Variants in TIMP4 observed in about 807,000 individuals in gnomAD.
TIMP4 encodes TIMP metallopeptidase inhibitor 4.
A neutral mutation model predicts 27.3 loss-of-function variants in TIMP4; 28 were observed. The ratio of observed to expected loss-of-function variants is 1.03; its 90% CI spans 0.76 to 1.41. TIMP4 has a LOEUF of 1.41. TIMP4 is among the 40% of genes most tolerant of loss of function. The pLI is 0.00. For synonymous variants in TIMP4, 138 were observed against 115.5 expected (o/e 1.20, Z -1.25); for missense variants, 307 against 285.5 (o/e 1.08, Z -0.54).
intron 2 of TIMP4, 76 bp downstream of exon 2, chr3:12,157,309 C>G: frequency 7.1e-7 from 1 of 1,414,680 alleles, no homozygotes; most frequent in East Asian, 2.3e-5. Context: ...CTGAAAGCTA[C>G]CAGCCCTCCC....
rs1467248670 is a variant in TIMP4, at chr3:12,153,178, T to TC, written c.*336dup. On this transcript the variant is annotated 3_prime_UTR_variant, in exon 5 of 5. Transcript: ENST00000287814. ...TCATGTGTATGACATTCGCCATTTC[T>TC]CCCCTACCAGATCGATTAAGACAAA... 2.6e-6 allele frequency: 1 copy of TC among 388,948 alleles called. No individual in the cohort carries two copies. Among genetic ancestry groups the TC allele is most frequent in the Admixed American group, 3.6e-5 (1 of 27,974 alleles). 24.1% of individuals were successfully genotyped at this position (388,948 alleles called of 1,614,324 possible). A position where few individuals can be genotyped will look rare whatever the true frequency, so the allele number is the denominator to read the frequency against.
intron 1 of TIMP4, 122 bp downstream of exon 1, chr3:12,158,580 A>G: frequency 1.4e-6 from 2 of 1,447,692 alleles, no homozygotes; most frequent in Non-Finnish European, 1.9e-6. Context: ...CAGCCTCAGC[A>G]AGAGACAACC....
At chr3:12,156,742 G>C in intron 3 of TIMP4, 78 bp downstream of exon 3, 1 of 1,166,696 alleles carries the variant, frequency 8.6e-7, no homozygotes, top group African/African-American at 1.5e-5. Context: ...GCCCAAGGAA[G>C]ACCCTGGCTC....
In TIMP4 at chr3:12,158,853, C is replaced by A. The variant is rs868804622; in HGVS notation, c.-13G>T. ...GGCTCCCAGGCATGACACTGCAGAT[C>A]CGCGACTGAGCCTGTGAGGTCTGGG... On this transcript the variant is annotated 5_prime_UTR_variant, in exon 1 of 5. Transcript: ENST00000287814. 1 of 1,558,866 alleles carries A rather than the reference C, an allele frequency of 6.4e-7. No individual in the cohort carries two copies.
intron 3 of TIMP4, 36 bp downstream of exon 3, chr3:12,156,784 A>G (rs1697469496): frequency 6.5e-7 from 1 of 1,549,984 alleles, no homozygotes; most frequent in Non-Finnish European, 8.9e-7. Context: ...GGCAGAATCT[A>G]TTATATTAAG....
Position 12,158,859 on chromosome 3 carries a change from C to A in TIMP4, c.-19G>T. 1 of 1,549,816 alleles carries A rather than the reference C, an allele frequency of 6.5e-7. No homozygotes were observed. Among genetic ancestry groups the A allele is most frequent in the Non-Finnish European group, 8.7e-7 (1 of 1,152,202 alleles). On this transcript the variant is annotated 5_prime_UTR_variant, in exon 1 of 5. Coordinates refer to ENST00000287814, the MANE Select transcript of TIMP4 (RefSeq NM_003256.4). ...CAGGCATGACACTGCAGATCCGCGA[C>A]TGAGCCTGTGAGGTCTGGGGGACTG...
rs1413581678 is a variant in TIMP4, at chr3:12,156,941, G to A, written c.238-7C>T. 3 of 1,607,482 alleles carry A rather than the reference G, an allele frequency of 1.9e-6. No homozygotes were observed. Among genetic ancestry groups the A allele is most frequent in the Non-Finnish European group, 1.7e-6 (2 of 1,174,464 alleles). On this transcript the variant is annotated splice_region_variant and splice_polypyrimidine_tract_variant and intron_variant, in intron 2 of 4. Transcript: ENST00000287814. ...TCTCAAACCCTTTGAACATCTGACAGGCAATTACAAAAAAAGGCAATATTG... is the reference window on the plus strand; with the variant it reads ...TCTCAAACCCTTTGAACATCTGACAAGCAATTACAAAAAAAGGCAATATTG...
chr3:12,157,017 A>C, intron 2 of TIMP4, 83 bp from the exon 3 acceptor site: 2 of 1,002,326 alleles, frequency 2.0e-6, no homozygotes, highest in Non-Finnish European at 1.5e-6. Flanking sequence ...CTCACTTCTC[A>C]GCCTAAAAAT....
chr3:12,153,509 T>A lies in TIMP4; in HGVS notation c.*6A>T. The A allele has an allele frequency of 6.2e-7, 1 of 1,612,874 alleles. No homozygotes were observed. Among genetic ancestry groups the A allele is most frequent in the South Asian group, 1.1e-5 (1 of 91,026 alleles). On this transcript the variant is annotated 3_prime_UTR_variant, in exon 5 of 5. Coordinates refer to ENST00000287814, the MANE Select transcript of TIMP4 (RefSeq NM_003256.4). ...CTTGAAGGGATGTGATGGTCACTGG[T>A]CCCTACTAGGGCTGAACGATGTCAA... is the stretch of plus-strand genomic sequence containing the variant.
Position 12,154,333 on chromosome 3 carries a change from G to T in TIMP4, c.471C>A (p.Gly157=). 3 of 1,614,222 alleles carry T rather than the reference G, an allele frequency of 1.9e-6. No individual in the cohort carries two copies. Among genetic ancestry groups the T allele is most frequent in the Non-Finnish European group, 2.5e-6 (3 of 1,180,032 alleles). ...GAAATGGACATTCCCTTACTTGGCA[G>T]CCACAGTTCAGATGGTAGTGATGAT... ...SLNHHYHLNC[G]CQITTCYTVP... The change falls in exon 4 of 5, where the codon GGC becomes GGA. Residue 157 remains glycine (G), a synonymous_variant. Transcript: ENST00000287814.
chr3:12,158,695 G>A lies in TIMP4; in HGVS notation c.139+7C>T. Reference sequence around the variant, plus strand: ...CCTGCTGTGGACCTCGCGGACCTCGGACTCACCAAGTGCCGAGTGGCAGAT... The same window carrying A: ...CCTGCTGTGGACCTCGCGGACCTCGAACTCACCAAGTGCCGAGTGGCAGAT... On this transcript the variant is annotated splice_region_variant and intron_variant, in intron 1 of 4. Coordinates refer to ENST00000287814, the MANE Select transcript of TIMP4 (RefSeq NM_003256.4). 1.2e-6 allele frequency: 2 copies of A among 1,610,036 alleles called. No individual in the cohort carries two copies. The highest frequency in any genetic ancestry group is 1.7e-6 in the Non-Finnish European group (2 of 1,179,600).
At position 12,153,514 on chromosome 3, in the gene TIMP4, A is replaced by G. The variant is rs776937796; in HGVS notation, c.*1T>C. 2.1e-5 allele frequency: 34 copies of G among 1,612,974 alleles called. No homozygotes were observed. Among genetic ancestry groups the G allele is most frequent in the African/African-American group, 2.7e-5 (2 of 74,874 alleles). ...AGGGATGTGATGGTCACTGGTCCCT[A>G]CTAGGGCTGAACGATGTCAACAAAC... is the stretch of plus-strand genomic sequence containing the variant. On this transcript the variant is annotated 3_prime_UTR_variant, in exon 5 of 5. Transcript: ENST00000287814.
intron 4 of TIMP4, 49 bp downstream of exon 4, chr3:12,154,278 A>G (rs776445725): frequency 6.2e-7 from 1 of 1,613,104 alleles, no homozygotes; most frequent in Admixed American, 1.7e-5. Context: ...ATGAAGGCTC[A>G]GAACCCTTCC....
Position 12,154,342 on chromosome 3 carries a change from C to T in TIMP4, c.462G>A (p.Leu154=). Reference sequence around the variant, plus strand: ...ATTCCCTTACTTGGCAGCCACAGTTCAGATGGTAGTGATGATTCAGACTTT... The same window carrying T: ...ATTCCCTTACTTGGCAGCCACAGTTTAGATGGTAGTGATGATTCAGACTTT... ...QRESLNHHYH[L]NCGCQITTCY... is the part of the protein sequence containing the mutation. Residue 154 remains leucine, a synonymous_variant, in exon 4 of 5, where the codon CTG becomes CTA. Transcript: ENST00000287814. The T allele has an allele frequency of 1.9e-6, 3 of 1,614,200 alleles. No individual in the cohort carries two copies. The highest frequency in any genetic ancestry group is 2.5e-6 in the Non-Finnish European group (3 of 1,180,036).
chr3:12,155,137 C>G (rs550372232), intron 3 of TIMP4, among the ~76,000 whole-genome samples: 37 of 122,298 alleles, frequency 3.0e-4, no homozygotes, highest in African/African-American at 9.8e-4. Context: ...ACCTAGCTAG[C>G]CCATGCCTCT....
intron 2 of TIMP4, 55 bp from the exon 3 acceptor site, chr3:12,156,989 AT>A: frequency 7.8e-7 from 1 of 1,284,770 alleles, no homozygotes; most frequent in Non-Finnish European, 1.1e-6. Context: ...TACTGTATAT[AT>A]TAACAGACAA....
intron 3 of TIMP4, among the ~76,000 whole-genome samples, chr3:12,155,384 G>A (rs940581508): frequency 6.6e-6 from 1 of 152,210 alleles, no homozygotes; most frequent in South Asian, 2.1e-4. Flanking sequence ...CAAAGAAGGT[G>A]TCTCAGAGAA....
Position 12,153,618 on chromosome 3 carries a change from T to C in TIMP4, c.572A>G (p.Gln191Arg), listed in dbSNP as rs1334007551. 4 of 1,614,074 alleles carry C rather than the reference T, an allele frequency of 2.5e-6. No homozygotes were observed. Among genetic ancestry groups the C allele is most frequent in the Non-Finnish European group, 3.4e-6 (4 of 1,180,022 alleles). ...WLLERKLYGY[Q>R]AQHYVCMKHV... ...CTTCATACAGACATAATGCTGAGCC[T>C]GGTAACCATAGAGCTTTCGTTCCAA... Residue 191 changes from glutamine (Q) to arginine (R), a missense_variant, in exon 5 of 5, where the codon CAG (glutamine) becomes CGG (arginine). Physicochemically the swap from Gln to Arg is conservative, Grantham distance 43. Transcript: ENST00000287814.
rs375480007 is a variant in TIMP4, at chr3:12,153,629, G to A, written c.561C>T (p.Leu187=). 6.2e-6 allele frequency: 10 copies of A among 1,614,028 alleles called. No individual in the cohort carries two copies. The highest frequency in any genetic ancestry group is 7.6e-6 in the Non-Finnish European group (9 of 1,180,038). Residue 187 remains leucine, a synonymous_variant, in exon 5 of 5, where the codon CTC becomes CTT. Coordinates refer to ENST00000287814, the MANE Select transcript of TIMP4 (RefSeq NM_003256.4). ...LWTDWLLERK[L]YGYQAQHYVC... ...CATAATGCTGAGCCTGGTAACCATA[G>A]AGCTTTCGTTCCAACAGCCAGTCTG...
Sources: allele counts gnomAD v4.1 joint callset (sites outside exome capture counted in the v4.1 genomes callset), GRCh38; gene constraint gnomAD v4.1.1; transcripts MANE v1.5; gene names NCBI Gene and HGNC (gene_info 2026-07-23, HGNC 2026-07-21).